CASZ1: variants seen among roughly 807,000 people sequenced by gnomAD.
CASZ1 encodes castor zinc finger 1.
CASZ1 carries 28 observed loss-of-function variants against 135.2 expected under a neutral mutation model. The observed-to-expected ratio is 0.21, with a 90% confidence interval of 0.15 to 0.28. CASZ1 has a LOEUF of 0.28. CASZ1 is among the 10% of genes least tolerant of loss of function. The pLI is 1.00. For synonymous variants in CASZ1, 1,068 were observed against 1,073.4 expected (o/e 0.99, Z 0.10); for missense variants, 2,161 against 2,453.3 (o/e 0.88, Z 2.52).
At chr1:10,740,211 A>C (rs866174850) in intron 2 of CASZ1, among the ~76,000 whole-genome samples, 2 of 152,352 alleles carry the variant, frequency 1.3e-5, no homozygotes, top group Middle Eastern at 3.4e-3. Context: ...AATGTCTCAC[A>C]GTGGCTCAGT....
intron 4 of CASZ1, among the ~76,000 whole-genome samples, chr1:10,689,885 C>T (rs1474302789): frequency 6.6e-6 from 1 of 152,234 alleles, no homozygotes; most frequent in Non-Finnish European, 1.5e-5. Flanking sequence ...CTAACCGGTG[C>T]ACAGCACAAA....
intron 2 of CASZ1, among the ~76,000 whole-genome samples, chr1:10,731,137 C>T (rs1639695882): frequency 6.6e-6 from 1 of 151,952 alleles, no homozygotes; most frequent in Admixed American, 6.6e-5. Context: ...AATGTGTCAA[C>T]ACTCTGAAGA....
rs1325785507 is a variant in CASZ1 at position 10,643,251 on chromosome 1, G to A, written c.3929C>T (p.Ser1310Phe). The A allele has an allele frequency of 6.2e-7, 1 of 1,613,098 alleles. No individual in the cohort carries two copies. The highest frequency in any genetic ancestry group is 8.5e-7 in the Non-Finnish European group (1 of 1,180,032). ...GGTCATCTGGTGCTTGAGGAGGAAG[G>A]AGAACTGGCAGCCCTCCCGGATGCA... ...FHCIREGCQF[S>F]FLLKHQMTSH... Residue 1310 changes from serine to phenylalanine, a missense_variant, in exon 19 of 21, where the codon TCC becomes TTC. By Grantham distance (155) the Ser-to-Phe change is radical. This residue lies in a region of CASZ1 where 349 missense variants were observed against 460.8 expected (regional missense o/e 0.76). Coordinates refer to ENST00000377022, the MANE Select transcript of CASZ1 (RefSeq NM_001079843.3).
At position 10,670,086 on chromosome 1, in the gene CASZ1, G is replaced by T. The variant is rs144195865; in HGVS notation, c.17-4515C>A. 7.6e-3 allele frequency among the ~76,000 whole-genome samples: 1,158 copies of T among 152,262 alleles called. 17 individuals are homozygous for T. Among genetic ancestry groups the T allele is most frequent in the African/African-American group, 0.026 (1,100 of 41,554 alleles). On this transcript the variant is annotated intron_variant, in intron 4 of 20. Transcript: ENST00000377022. ...CAGGGGCCAGGAACCAGACCCCTGG[G>T]TTGGGGGTGGGCTGGGGCCCTGCCT...
chr1:10,715,468 C>G (rs543112222), intron 2 of CASZ1, among the ~76,000 whole-genome samples: 12 of 151,958 alleles, frequency 7.9e-5, no homozygotes, highest in Non-Finnish European at 1.5e-5. Flanking sequence ...ATGCCTCCTC[C>G]ACTCCCCACA....
chr1:10,704,676 C>G (rs1039047540), intron 3 of CASZ1: 7 of 152,442 alleles, frequency 4.6e-5, no homozygotes, highest in African/African-American at 1.7e-4. Flanking sequence ...CGCACGGTGC[C>G]GTGTCTGTCC....
At chr1:10,793,570 C>T (rs1386426381) in intron 1 of CASZ1, among the ~76,000 whole-genome samples, 1 of 152,170 alleles carries the variant, frequency 6.6e-6, no homozygotes, top group Non-Finnish European at 1.5e-5. Flanking sequence ...TAGAAACCAG[C>T]AACAGATTAT....
Position 10,643,144 on chromosome 1 carries a change from TG to T in CASZ1, c.4020+15del, listed in dbSNP as rs757239011. On this transcript the variant is annotated intron_variant, in intron 19 of 20. Transcript: ENST00000377022. ...CCGCCACCCTGGCTGGGCTCTCACC[TG>T]GGGGGGGCTCTCACCTGGGAGGGGG... 273 of 1,589,158 alleles carry T rather than the reference TG, an allele frequency of 1.7e-4. 1 individual carries two copies. The highest frequency in any genetic ancestry group is 2.2e-4 in the Non-Finnish European group (255 of 1,167,086).
intron 2 of CASZ1, among the ~76,000 whole-genome samples, chr1:10,734,426 C>G (rs1485552682): frequency 6.6e-6 from 1 of 151,826 alleles, no homozygotes; most frequent in South Asian, 2.1e-4. Flanking sequence ...TCTCCCAGTC[C>G]CCACCTGCTA....
Position 10,694,735 on chromosome 1 carries a change from G to A in CASZ1, c.-23-823C>T, listed in dbSNP as rs1638885786. On this transcript the variant is annotated intron_variant, in intron 3 of 20. Transcript: ENST00000377022. This position sits in a 1 kb window ranked among gnomAD's most constrained non-coding sequence, Gnocchi z 6.6. The stretch of plus-strand genomic sequence containing the variant: ...GCGCCCGCGCCGCACTGGCAGGGCG[G>A]CCGGCTCCATTGGCTCTGCGATTCC... 7.0e-6 allele frequency among the ~76,000 whole-genome samples: 1 copy of A among 143,378 alleles called. No homozygotes were observed. The highest frequency in any genetic ancestry group is 1.6e-5 in the Non-Finnish European group (1 of 64,252). The allele number at this position is 143,378 out of a possible 152,430, so 94.1% of individuals were successfully genotyped here.
chr1:10,747,625 A>G lies in CASZ1; in HGVS notation c.-77+13076T>C, dbSNP rs1248166247. ...CCAGCCCATGTGCAAGAAACGGGAA[A>G]GAACCTGCCTTGTGACATCAAAGGC... On this transcript the variant is annotated intron_variant, in intron 2 of 20. Coordinates refer to ENST00000377022, the MANE Select transcript of CASZ1 (RefSeq NM_001079843.3). The surrounding 1 kb of genome is among the most constrained non-coding windows in gnomAD (Gnocchi z 4.3). Among the ~76,000 whole-genome samples, 1 of 152,174 alleles carries G rather than the reference A, an allele frequency of 6.6e-6. No individual in the cohort carries two copies. The highest frequency in any genetic ancestry group is 1.9e-4 in the East Asian group (1 of 5,186).
chr1:10,794,306 G>A lies in CASZ1; in HGVS notation c.-234+2258C>T, dbSNP rs1641021445. Among the ~76,000 whole-genome samples the A allele has an allele frequency of 1.3e-5, 2 of 152,076 alleles. No homozygotes were observed. Among genetic ancestry groups the A allele is most frequent in the African/African-American group, 4.8e-5 (2 of 41,404 alleles). ...CACCGCGCGCCTGTACCAGCTCGGA[G>A]ACGTCCTAAATTTACTAACTTTGCC... On this transcript the variant is annotated intron_variant, in intron 1 of 20. Transcript: ENST00000377022. The surrounding 1 kb of genome is among the most constrained non-coding windows in gnomAD (Gnocchi z 5.6).
rs1160883289 is a variant in CASZ1, at chr1:10,767,918, C to T, written c.-233-7061G>A. Among the ~76,000 whole-genome samples the T allele has an allele frequency of 6.6e-6, 1 of 152,192 alleles. No homozygotes were observed. Among genetic ancestry groups the T allele is most frequent in the African/African-American group, 2.4e-5 (1 of 41,450 alleles). On this transcript the variant is annotated intron_variant, in intron 1 of 20. Coordinates refer to ENST00000377022, the MANE Select transcript of CASZ1 (RefSeq NM_001079843.3). The surrounding 1 kb of genome is among the most constrained non-coding windows in gnomAD (Gnocchi z 4.2). The stretch of plus-strand genomic sequence containing the variant: ...CCAACGCCCACTCCAACCCTAGTCA[C>T]AGGAGGGTCACCCACCATTGCAAGG...
chr1:10,743,508 G>A (rs1355869040), intron 2 of CASZ1, among the ~76,000 whole-genome samples: 3 of 151,398 alleles, frequency 2.0e-5, no homozygotes, highest in Non-Finnish European at 3.0e-5. Context: ...TCAGGGGGAT[G>A]GGCTGGGGGC....
intron 9 of CASZ1, 71 bp from the exon 10 acceptor site, chr1:10,654,662 G>A (rs552165034): frequency 2.7e-6 from 4 of 1,466,308 alleles, no homozygotes; most frequent in South Asian, 1.2e-5. Context: ...ACACCACTGT[G>A]TGTGGCTGGG....
chr1:10,639,078 A>G lies in CASZ1; in HGVS notation c.5144T>C (p.Leu1715Pro), dbSNP rs1642096506. The change falls in exon 21 of 21, where the codon CTG becomes CCG. Residue 1715 changes from leucine to proline, a missense_variant. Physicochemically the swap from Leu to Pro is moderately conservative, Grantham distance 98. Around this residue, in one of 7 missense-constraint regions of CASZ1, gnomAD observed 185 missense variants for 134.7 expected, o/e 1.37. Coordinates refer to ENST00000377022, the MANE Select transcript of CASZ1 (RefSeq NM_001079843.3). This position sits in a 1 kb window ranked among gnomAD's most constrained non-coding sequence, Gnocchi z 4.0. ...DDDEDDDDED[L>P]RTDSEESLPE... ...CAGCGACTCCTCCGAGTCGGTGCGC[A>G]GGTCCTCGTCGTCGTCGTCCTCGTC... The G allele has an allele frequency of 2.6e-6, 3 of 1,140,558 alleles. No individual in the cohort carries two copies. The highest frequency in any genetic ancestry group is 3.6e-5 in the Admixed American group (1 of 27,978). 70.7% of individuals were successfully genotyped at this position (1,140,558 alleles called of 1,614,324 possible).
Position 10,654,602 on chromosome 1 carries a change from C to A in CASZ1, c.1666-11G>T. The A allele has an allele frequency of 6.2e-7, 1 of 1,612,094 alleles. No individual in the cohort carries two copies. Among genetic ancestry groups the A allele is most frequent in the Non-Finnish European group, 8.5e-7 (1 of 1,178,460 alleles). On this transcript the variant is annotated splice_polypyrimidine_tract_variant and intron_variant, in intron 9 of 20. Coordinates refer to ENST00000377022, the MANE Select transcript of CASZ1 (RefSeq NM_001079843.3). Reference sequence around the variant, plus strand: ...CTTGTTACAGCCCACCTGCACAGGACGGGATGGTGGTCAGGCGAACGGAGG... The same window carrying A: ...CTTGTTACAGCCCACCTGCACAGGAAGGGATGGTGGTCAGGCGAACGGAGG...
Position 10,639,159 on chromosome 1 carries a change from T to G in CASZ1, c.5063A>C (p.Glu1688Ala). Residue 1688 changes from glutamate (E) to alanine (A), a missense_variant, in exon 21 of 21, where the codon GAG becomes GCG. By Grantham distance (107) the Glu-to-Ala change is moderately radical (BLOSUM62 -1). This residue lies in a region of CASZ1 where 185 missense variants were observed against 134.7 expected (regional missense o/e 1.37). Coordinates refer to ENST00000377022, the MANE Select transcript of CASZ1 (RefSeq NM_001079843.3). The surrounding 1 kb of genome is among the most constrained non-coding windows in gnomAD (Gnocchi z 4.0). ...GTCCTCGTCCTCGTCGTCTTCGGCC[T>G]CCTCCTCCGGCAGCTCCAGCTCCTC... ...EEEELELPEE[E>A]AEDDEDEDDD... 9.4e-7 allele frequency: 1 copy of G among 1,068,720 alleles called. No individual in the cohort carries two copies. The highest frequency in any genetic ancestry group is 3.1e-5 in the South Asian group (1 of 32,424). 66.2% of individuals were successfully genotyped at this position (1,068,720 alleles called of 1,614,324 possible). A position where few individuals can be genotyped will look rare whatever the true frequency, so the allele number is the denominator to read the frequency against.
chr1:10,722,096 T>C (rs77162232), intron 2 of CASZ1, among the ~76,000 whole-genome samples: 2,537 of 152,312 alleles, frequency 0.017, 77 homozygotes, highest in African/African-American at 0.058. Context: ...ACCTGCGTCT[T>C]GGCCCCGCCC....
Sources: gnomAD v4.1 joint callset for allele counts (sites outside exome capture counted in the v4.1 genomes callset) on GRCh38, gnomAD v4.1.1 for gene constraint, gnomAD v4.1.1 regional missense constraint, Gnocchi (gnomAD v3.1) non-coding constraint, MANE v1.5 for transcripts, NCBI Gene and HGNC (gene_info 2026-07-23, HGNC 2026-07-21) for gene names.